The following ESRRG variants were observed in gnomAD, a reference collection of about 807,000 sequenced individuals.
ESRRG encodes estrogen related receptor gamma.
Under a neutral mutation model 44.0 loss-of-function variants are expected in ESRRG, and 13 were observed. The ratio of observed to expected loss-of-function variants is 0.30; its 90% confidence interval spans 0.19 to 0.47. The LOEUF is 0.47. ESRRG is among the 20% of genes least tolerant of loss of function. The pLI is 1.00. For missense variants in ESRRG, 395 were observed against 580.6 expected (o/e 0.68, Z 3.29); for synonymous variants, 215 against 214.6 (o/e 1.00, Z -0.02).
At chr1:216,735,192 G>A (rs1467204494) in intron 2 of ESRRG, among the ~76,000 whole-genome samples, 2 of 151,132 alleles carry the variant, frequency 1.3e-5, no homozygotes, top group East Asian at 3.9e-4. Flanking sequence ...ACAGGCATGA[G>A]CCACCATGCC....
intron 2 of ESRRG, among the ~76,000 whole-genome samples, chr1:216,783,084 T>C (rs891920781): frequency 6.6e-6 from 1 of 152,014 alleles, no homozygotes; most frequent in Non-Finnish European, 1.5e-5. Flanking sequence ...TTAGGGGGCA[T>C]ATCGGAATCT....
chr1:216,550,328 A>T (rs1194817870), intron 5 of ESRRG, among the ~76,000 whole-genome samples: 1 of 152,160 alleles, frequency 6.6e-6, no homozygotes, highest in Non-Finnish European at 1.5e-5. Flanking sequence ...GATGTGACAC[A>T]TTTGCATCTT....
chr1:216,788,054 G>T (rs2094191590), intron 2 of ESRRG, among the ~76,000 whole-genome samples: 1 of 152,162 alleles, frequency 6.6e-6, no homozygotes, highest in Non-Finnish European at 1.5e-5. Flanking sequence ...TTCAAAGAAA[G>T]AAGTCATCAC....
intron 2 of ESRRG, among the ~76,000 whole-genome samples, chr1:216,818,225 CG>C (rs927122520): frequency 1.2e-4 from 19 of 152,236 alleles, no homozygotes; most frequent in South Asian, 4.1e-4. Flanking sequence ...AATGAAGTGA[CG>C]TTTTTTGTCA....
chr1:216,805,707 G>A (rs1467592287), intron 2 of ESRRG, among the ~76,000 whole-genome samples: 1 of 149,558 alleles, frequency 6.7e-6, no homozygotes, highest in Non-Finnish European at 1.5e-5. Context: ...CTGAATCTCT[G>A]TCTGTTAGAA....
intron 1 of ESRRG, among the ~76,000 whole-genome samples, chr1:216,684,111 G>A (rs1416142937): frequency 6.6e-6 from 1 of 152,236 alleles, no homozygotes; most frequent in Non-Finnish European, 1.5e-5. Flanking sequence ...TGTATGTAGT[G>A]TAAGTGTCTG....
At chr1:216,619,997 A>T (rs1362238964) in intron 3 of ESRRG, among the ~76,000 whole-genome samples, 1 of 152,174 alleles carries the variant, frequency 6.6e-6, no homozygotes, top group Non-Finnish European at 1.5e-5. Context: ...AAATTTCAAC[A>T]AGTCAAACAT....
chr1:216,534,637 G>A (rs757035946), intron 5 of ESRRG, among the ~76,000 whole-genome samples: 7 of 152,146 alleles, frequency 4.6e-5, no homozygotes, highest in Non-Finnish European at 8.8e-5. Context: ...AGTTCATGTA[G>A]CCGAATAACT....
At chr1:217,004,053 C>T (rs1450359333) in intron 1 of ESRRG, among the ~76,000 whole-genome samples, 2 of 152,018 alleles carry the variant, frequency 1.3e-5, no homozygotes, top group African/African-American at 4.8e-5. Context: ...GAGAAGTTAC[C>T]AGAATCTTGA....
intron 5 of ESRRG, among the ~76,000 whole-genome samples, chr1:216,551,024 C>T (rs182328704): frequency 2.0e-4 from 31 of 152,266 alleles, no homozygotes; most frequent in Admixed American, 3.9e-4. Flanking sequence ...TGGTTGACAT[C>T]TGACTTACAT....
intron 2 of ESRRG, among the ~76,000 whole-genome samples, chr1:216,856,942 C>T (rs774548934): frequency 3.9e-5 from 6 of 152,122 alleles, no homozygotes; most frequent in Admixed American, 1.3e-4. Context: ...AGTTGACAGC[C>T]GACACCTTAT....
intron 6 of ESRRG, among the ~76,000 whole-genome samples, chr1:216,515,700 C>T (rs913508806): frequency 6.6e-6 from 1 of 152,022 alleles, no homozygotes; most frequent in Non-Finnish European, 1.5e-5. Flanking sequence ...GGATTGGACT[C>T]ACCTGGCTTC....
At chr1:217,082,274 C>G (rs2091818171) in intron 1 of ESRRG, among the ~76,000 whole-genome samples, 3 of 152,308 alleles carry the variant, frequency 2.0e-5, no homozygotes, top group African/African-American at 7.2e-5. Flanking sequence ...CTGTTCAGCA[C>G]AGAGAACTGG....
rs184195444 is a variant in ESRRG at position 216,518,195 on chromosome 1, T to C, written c.1132+957A>G. 1.8e-4 allele frequency among the ~76,000 whole-genome samples: 27 copies of C among 152,188 alleles called. No homozygotes were observed. In the East Asian group the frequency reaches 5.0e-3, roughly 28 times the overall value. Reference sequence around the variant, plus strand: ...CCAGCCTGAGATTGATCGTCACATATGGCCCCAGAAAACAAACTGTCAATA... The same window carrying C: ...CCAGCCTGAGATTGATCGTCACATACGGCCCCAGAAAACAAACTGTCAATA... On this transcript the variant is annotated intron_variant, in intron 6 of 6. Coordinates refer to ENST00000408911, the MANE Select transcript of ESRRG (RefSeq NM_001438.4).
intron 3 of ESRRG, among the ~76,000 whole-genome samples, chr1:216,574,709 T>C (rs916400962): frequency 2.0e-5 from 3 of 152,090 alleles, no homozygotes; most frequent in African/African-American, 7.2e-5. Context: ...ATTAAAGTAA[T>C]AATAATTTTG....
chr1:216,810,924 A>G (rs947102644), intron 2 of ESRRG, among the ~76,000 whole-genome samples: 4 of 151,778 alleles, frequency 2.6e-5, no homozygotes, highest in African/African-American at 9.7e-5. Flanking sequence ...CCAAAAAGCA[A>G]TATATTTAGG....
chr1:217,114,228 C>T (rs995803605), intron 1 of ESRRG, among the ~76,000 whole-genome samples: 1 of 151,482 alleles, frequency 6.6e-6, no homozygotes, highest in African/African-American at 2.4e-5. Flanking sequence ...GATAAATAAA[C>T]CTTGTTGTGG....
intron 3 of ESRRG, among the ~76,000 whole-genome samples, chr1:216,606,429 A>C (rs2059941876): frequency 6.6e-6 from 1 of 152,214 alleles, no homozygotes; most frequent in Non-Finnish European, 1.5e-5. Flanking sequence ...ACTCATAGTC[A>C]CACTTTATCT....
intron 5 of ESRRG, among the ~76,000 whole-genome samples, chr1:216,523,797 G>T (rs2046824329): frequency 6.6e-6 from 1 of 150,764 alleles, no homozygotes. Context: ...GTTAATCATG[G>T]CATTGACTTG....
Sources: gnomAD v4.1 joint callset for allele counts (sites outside exome capture counted in the v4.1 genomes callset) on GRCh38, gnomAD v4.1.1 for gene constraint, MANE v1.5 for transcripts, NCBI Gene and HGNC (gene_info 2026-07-23, HGNC 2026-07-21) for gene names.